COL6A3: variants seen among roughly 807,000 people sequenced by gnomAD.
COL6A3 encodes the protein collagen alpha-3(VI) chain.
Under a neutral mutation model 274.1 loss-of-function variants are expected in COL6A3, and 137 were observed. The observed-to-expected ratio is 0.50, with a 90% CI of 0.44 to 0.58. The LOEUF is 0.58. COL6A3 is among the 20% of genes least tolerant of loss of function. The pLI, the probability that COL6A3 is intolerant of heterozygous loss-of-function variation, is 0.00. For missense variants in COL6A3, 3,950 were observed against 4,124.9 expected (o/e 0.96, Z 1.16); for synonymous variants, 1,650 against 1,650.6 (o/e 1.00, Z 0.01).
Position 237,348,650 on chromosome 2 carries a change from C to A in COL6A3, c.6893G>T (p.Arg2298Ile), listed in dbSNP as rs2077144652. Residue 2298 changes from arginine (R) to isoleucine (I), a missense_variant, in exon 29 of 44, where the codon AGA becomes ATA. Physicochemically the swap from Arg to Ile is moderately conservative, Grantham distance 97. Coordinates refer to ENST00000295550, the MANE Select transcript of COL6A3 (RefSeq NM_004369.4). ...GPRGETGDDG[R>I]DGVGSEGRRG... ...GCGTCCTTCACTGCCAACTCCGTCTCTCCCGTCATCTCCCTAAGAGTGGGA... is the reference window on the plus strand; with the variant it reads ...GCGTCCTTCACTGCCAACTCCGTCTATCCCGTCATCTCCCTAAGAGTGGGA... 4 of 1,614,088 alleles carry A rather than the reference C, an allele frequency of 2.5e-6. No individual in the cohort carries two copies. In the African/African-American group the frequency reaches 4.0e-5, roughly 16 times the overall value.
chr2:237,330,190 T>C (rs1038431635), intron 42 of COL6A3: 1 of 152,220 alleles, frequency 6.6e-6, no homozygotes, highest in African/African-American at 2.4e-5. Flanking sequence ...ATAGAAAATA[T>C]CTATCCAAAG....
Position 237,368,671 on chromosome 2 carries a change from C to G in COL6A3, c.4792G>C (p.Glu1598Gln), listed in dbSNP as rs1398208208. The stretch of plus-strand genomic sequence containing the variant: ...TCTATGTTGGGAAGCTCTCTGAACT[C>G]TCGCACTGTGAAGACCAGTCTGGGG... ...NDPRLVFTVREFRELPNIEER... is the reference protein window; with the variant it reads ...NDPRLVFTVRQFRELPNIEER... Residue 1598 changes from glutamate to glutamine, a missense_variant, in exon 10 of 44, where the codon GAG becomes CAG. Glu to Gln is a conservative substitution (Grantham distance 29). Transcript: ENST00000295550. This position sits in a 1 kb window ranked among gnomAD's most constrained non-coding sequence, Gnocchi z 4.4. The G allele has an allele frequency of 3.7e-6, 6 of 1,614,058 alleles. No individual in the cohort carries two copies. The highest frequency in any genetic ancestry group is 5.1e-6 in the Non-Finnish European group (6 of 1,180,046).
Position 237,345,606 on chromosome 2 carries a change from C to T in COL6A3, c.7093-393G>A, listed in dbSNP as rs923035830. 3.9e-5 allele frequency among the ~76,000 whole-genome samples: 6 copies of T among 152,286 alleles called. No homozygotes were observed. In the South Asian group the frequency reaches 8.3e-4, roughly 21 times the overall value. On this transcript the variant is annotated intron_variant, in intron 32 of 43. Transcript: ENST00000295550. ...ATCATTGAGCTGCCCTGGCTCCCTC[C>T]GTGTCTAAAGCATCCCAGCTGAATT... is the stretch of plus-strand genomic sequence containing the variant.
At chr2:237,405,061 G>A (rs2078686082) in intron 1 of COL6A3, among the ~76,000 whole-genome samples, 1 of 152,120 alleles carries the variant, frequency 6.6e-6, no homozygotes, top group Non-Finnish European at 1.5e-5. Context: ...GAGGGAAGAG[G>A]AGGGGAGGGA....
rs749085457 is a variant in COL6A3, at chr2:237,371,214, G to C, written c.4285+518C>G. ...TGGAGATGCCCTCATGCTTTGCCAC[G>C]GTATGCATTCTCCCTGGATGCCATG... On this transcript the variant is annotated intron_variant, in intron 9 of 43. Coordinates refer to ENST00000295550, the MANE Select transcript of COL6A3 (RefSeq NM_004369.4). This position sits in a 1 kb window ranked among gnomAD's most constrained non-coding sequence, Gnocchi z 4.3. Among the ~76,000 whole-genome samples the C allele has an allele frequency of 1.3e-5, 2 of 152,116 alleles. No individual in the cohort carries two copies. Among genetic ancestry groups the C allele is most frequent in the Non-Finnish European group, 2.9e-5 (2 of 68,016 alleles).
rs111328076 is a variant in COL6A3 at position 237,374,761 on chromosome 2, G to C, written c.3330C>G (p.Ala1110=). ...TGTTCCTCAGGACAAACTCCAGGGC[G>C]GCCCCGGTGTTGGGGGTCGGCCCTC... ...LLGGPTPNTG[A]ALEFVLRNIL... Residue 1110 remains alanine (A), a synonymous_variant, in exon 8 of 44, where the codon GCC becomes GCG. Transcript: ENST00000295550. This position sits in a 1 kb window ranked among gnomAD's most constrained non-coding sequence, Gnocchi z 4.8. 3 of 1,613,742 alleles carry C rather than the reference G, an allele frequency of 1.9e-6. No individual in the cohort carries two copies. Among genetic ancestry groups the C allele is most frequent in the Non-Finnish European group, 2.5e-6 (3 of 1,179,918 alleles).
chr2:237,385,076 C>G (rs528805517), intron 4 of COL6A3, among the ~76,000 whole-genome samples: 1 of 152,340 alleles, frequency 6.6e-6, no homozygotes, highest in South Asian at 2.1e-4. Flanking sequence ...GGCCTTCCAT[C>G]CACCTGATCT....
rs1167880522 is a variant in COL6A3 at position 237,366,810 on chromosome 2, T to C, written c.5377A>G (p.Ser1793Gly). The change falls in exon 11 of 44, where the codon AGC becomes GGC. Residue 1793 changes from serine (S) to glycine (G), a missense_variant. Physicochemically the swap from Ser to Gly is moderately conservative, Grantham distance 56. This residue lies in a region of COL6A3 where 632 missense variants were observed against 623.4 expected (regional missense o/e 1.01). Coordinates refer to ENST00000295550, the MANE Select transcript of COL6A3 (RefSeq NM_004369.4). ...TTGCCCACGCGGAACGCTGTGGCGC[T>C]GTTGGACGCTATCTTTCCAACCTCC... is the stretch of plus-strand genomic sequence containing the variant. The part of the protein sequence containing the change: ...SEEVGKIASN[S>G]ATAFRVGNVQ... 1 of 1,614,292 alleles carries C rather than the reference T, an allele frequency of 6.2e-7. No individual in the cohort carries two copies. The highest frequency in any genetic ancestry group is 1.7e-5 in the Admixed American group (1 of 60,036).
At chr2:237,346,592 C>T (rs1437359582) in intron 31 of COL6A3, 27 bp from the exon 32 acceptor site, 1 of 1,602,838 alleles carries the variant, frequency 6.2e-7, no homozygotes, top group East Asian at 2.2e-5. Context: ...AAACATTGTT[C>T]AACTGTGTCA....
chr2:237,350,585 G>C (rs138976037), intron 27 of COL6A3, among the ~76,000 whole-genome samples: 3 of 152,272 alleles, frequency 2.0e-5, no homozygotes, highest in East Asian at 1.9e-4. Context: ...CAGTCTTTTC[G>C]GACTGGTTAT....
intron 4 of COL6A3, among the ~76,000 whole-genome samples, chr2:237,386,953 C>T (rs934759159): frequency 5.9e-5 from 9 of 152,086 alleles, no homozygotes; most frequent in African/African-American, 2.2e-4. Context: ...TTGCCAAAGG[C>T]CCTCCATTTG....
chr2:237,364,380 G>A lies in COL6A3; in HGVS notation c.5887C>T (p.His1963Tyr). 1.2e-6 allele frequency: 2 copies of A among 1,614,042 alleles called. No homozygotes were observed. Among genetic ancestry groups the A allele is most frequent in the Non-Finnish European group, 1.7e-6 (2 of 1,179,962 alleles). ...TGGCGGAGGTTCTCAGATGCTCTGT[G>A]TAAATCAGCCAGATCTCCGTCTGCT... The part of the protein sequence containing the change: ...DGADGDLADL[H>Y]RASENLRQEG... Residue 1963 changes from histidine to tyrosine, a missense_variant, in exon 13 of 44, where the codon CAC becomes TAC. Around this residue, in one of 5 missense-constraint regions of COL6A3, gnomAD observed 632 missense variants for 623.4 expected, o/e 1.01. Coordinates refer to ENST00000295550, the MANE Select transcript of COL6A3 (RefSeq NM_004369.4). The surrounding 1 kb of genome is among the most constrained non-coding windows in gnomAD (Gnocchi z 4.6).
intron 4 of COL6A3, chr2:237,386,607 A>G (rs1298642787): frequency 6.6e-6 from 1 of 152,116 alleles, no homozygotes; most frequent in South Asian, 2.1e-4. Context: ...TTGAGCCCAT[A>G]CTCTGGAAGG....
At chr2:237,347,943 C>T in intron 30 of COL6A3, 74 bp from the exon 31 acceptor site, 1 of 1,388,540 alleles carries the variant, frequency 7.2e-7, no homozygotes, top group Non-Finnish European at 1.0e-6. Context: ...TGGGGTAAGA[C>T]ATCCAGGAGA....
chr2:237,362,372 T>A (rs2077456200), intron 14 of COL6A3, among the ~76,000 whole-genome samples: 7 of 152,140 alleles, frequency 4.6e-5, no homozygotes. Flanking sequence ...GCTTCTCAAC[T>A]CCAGGTCACA....
In COL6A3 at chr2:237,325,564, A is replaced by C; in HGVS notation, c.9489T>G (p.Ala3163=). The change falls in exon 43 of 44, where the codon GCT becomes GCG. Residue 3163 remains alanine (A), a synonymous_variant. Transcript: ENST00000295550. ...ACACAAGGAAGAATCACTTACCAGG[A>C]GCGCAAACCTTTTCACATTCTTTCT... The part of the protein sequence containing the change: ...GSQKECEKVC[A]PVLAKPGVIS... The C allele has an allele frequency of 6.2e-7, 1 of 1,614,154 alleles. No homozygotes were observed. The highest frequency in any genetic ancestry group is 8.5e-7 in the Non-Finnish European group (1 of 1,180,026).
At position 237,371,854 on chromosome 2, in the gene COL6A3, A is replaced by G. The variant is rs1005321506; in HGVS notation, c.4163T>C (p.Val1388Ala). Residue 1388 changes from valine (V) to alanine (A), a missense_variant, in exon 9 of 44, where the codon GTG becomes GCG. Transcript: ENST00000295550. This position sits in a 1 kb window ranked among gnomAD's most constrained non-coding sequence, Gnocchi z 4.3. ...LVKISLSPEY[V>A]FSVSTFRELP... ...CTCCCGGAAGGTGCTCACCGAGAAC[A>G]CATATTCGGGGCTCAGCGAGATCTT... 3 of 1,612,328 alleles carry G rather than the reference A, an allele frequency of 1.9e-6. No homozygotes were observed. The highest frequency in any genetic ancestry group is 1.7e-5 in the Admixed American group (1 of 59,924).
In COL6A3 at chr2:237,324,556, C is replaced by T. The variant is rs879808700; in HGVS notation, c.*218G>A. On this transcript the variant is annotated 3_prime_UTR_variant, in exon 44 of 44. Coordinates refer to ENST00000295550, the MANE Select transcript of COL6A3 (RefSeq NM_004369.4). Reference sequence around the variant, plus strand: ...ACTGTTACACAACATTCAAAGTATTCGAGAGAACTGCCTGGAGACAGAGAG... The same window carrying T: ...ACTGTTACACAACATTCAAAGTATTTGAGAGAACTGCCTGGAGACAGAGAG... 2.3e-5 allele frequency: 13 copies of T among 560,996 alleles called. No individual in the cohort carries two copies. In the Admixed American group the frequency reaches 3.5e-4, roughly 15 times the overall value. 34.8% of individuals were successfully genotyped at this position (560,996 alleles called of 1,614,324 possible). A position where few individuals can be genotyped will look rare whatever the true frequency, so the allele number is the denominator to read the frequency against.
intron 4 of COL6A3, 113 bp from the exon 5 acceptor site, chr2:237,381,612 C>A (rs1374456783): frequency 2.2e-6 from 2 of 907,690 alleles, no homozygotes; most frequent in Non-Finnish European, 3.5e-6. Context: ...CTGTGGCCAA[C>A]GTGACCACAG....
Sources: allele counts gnomAD v4.1 joint callset (sites outside exome capture counted in the v4.1 genomes callset), GRCh38; gene constraint gnomAD v4.1.1; regional missense constraint gnomAD v4.1.1; non-coding constraint Gnocchi (gnomAD v3.1); transcripts MANE v1.5; gene names NCBI Gene and HGNC (gene_info 2026-07-23, HGNC 2026-07-21).